The following ZNF827 variants were observed in gnomAD, a reference collection of about 807,000 sequenced individuals.
The protein encoded by ZNF827 is zinc finger protein 827.
In ZNF827, 13 loss-of-function variants were observed where a neutral mutation model predicts 102.4. That is an observed-to-expected ratio of 0.13 (90% CI 0.08 to 0.20). The LOEUF (loss-of-function observed/expected upper bound fraction) is 0.20, where lower values mean the gene tolerates loss of function less well. Among genes scored for constraint, ZNF827 ranks in the 10% least tolerant of loss-of-function variants. The pLI, the probability that ZNF827 is intolerant of heterozygous loss-of-function variation, is 1.00. For synonymous variants in ZNF827, 523 were observed against 536.2 expected (o/e 0.98, Z 0.34); for missense variants, 1,103 against 1,344.4 (o/e 0.82, Z 2.81).
rs1359820023 is a variant in ZNF827 at position 145,757,787 on chromosome 4, T to C, written c.*3829A>G. On this transcript the variant is annotated 3_prime_UTR_variant, in exon 15 of 15. Transcript: ENST00000508784. ...TGCAAAAAGCTTTATACAATACAAA[T>C]TTTCAGTAATGTACACAAACCTTGA... is the stretch of plus-strand genomic sequence containing the variant. The C allele has an allele frequency of 6.6e-6, 1 of 151,142 alleles. No homozygotes were observed. Among genetic ancestry groups the C allele is most frequent in the Non-Finnish European group, 1.5e-5 (1 of 67,818 alleles). 9.4% of individuals were successfully genotyped at this position (151,142 alleles called of 1,614,324 possible).
At chr4:145,928,159 A>G (rs1196887097) in intron 1 of ZNF827, among the ~76,000 whole-genome samples, 2 of 152,178 alleles carry the variant, frequency 1.3e-5, no homozygotes, top group African/African-American at 4.8e-5. Context: ...CAGGCTCACC[A>G]TCTCCTGTCT....
chr4:145,937,521 C>T (rs941140045), intron 1 of ZNF827, among the ~76,000 whole-genome samples: 1 of 147,960 alleles, frequency 6.8e-6, no homozygotes, highest in African/African-American at 2.4e-5. Context: ...TCCCGCACCC[C>T]ACATCCGCCC....
intron 4 of ZNF827, 27 bp from the exon 5 acceptor site, chr4:145,870,505 T>G: frequency 6.2e-7 from 1 of 1,605,032 alleles, no homozygotes; most frequent in Non-Finnish European, 8.5e-7. Flanking sequence ...AGGGATTATA[T>G]ATACATAAAA....
chr4:145,929,580 C>T (rs1753661012), intron 1 of ZNF827, among the ~76,000 whole-genome samples: 1 of 151,866 alleles, frequency 6.6e-6, no homozygotes, highest in Admixed American at 6.6e-5. Context: ...TCAAGCCCTA[C>T]AATAATAGCC....
In ZNF827 at chr4:145,765,045, G is replaced by T. The variant is rs1735075985; in HGVS notation, c.3173C>A (p.Thr1058Asn). 2 of 1,614,082 alleles carry T rather than the reference G, an allele frequency of 1.2e-6. No homozygotes were observed. The highest frequency in any genetic ancestry group is 2.2e-5 in the South Asian group (2 of 91,088). ...ECDVCHKFMKTPEQLLEHKKC... is the reference protein window; with the variant it reads ...ECDVCHKFMKNPEQLLEHKKC... The stretch of plus-strand genomic sequence containing the variant: ...CTTATGCTCCAGCAGCTGTTCGGGG[G>T]TCTTCATGAACTTGTGGCACACATC... The change falls in exon 13 of 15, where the codon ACC becomes AAC. Residue 1058 changes from threonine (T) to asparagine (N), a missense_variant. Thr to Asn is a moderately conservative substitution (Grantham distance 65, BLOSUM62 0). This residue lies in a region of ZNF827 where 242 missense variants were observed against 361.9 expected (regional missense o/e 0.67). Coordinates refer to ENST00000508784, the MANE Select transcript of ZNF827 (RefSeq NM_001306215.2). The surrounding 1 kb of genome is among the most constrained non-coding windows in gnomAD (Gnocchi z 4.7).
rs1020230544 is a variant in ZNF827, at chr4:145,903,279, T to G, written c.44-64A>C. On this transcript the variant is annotated intron_variant, in intron 1 of 14. Coordinates refer to ENST00000508784, the MANE Select transcript of ZNF827 (RefSeq NM_001306215.2). Reference sequence around the variant, plus strand: ...GAACAATAAGTAAGTCTCAAGACATTCAAATGGAGGTGATGACATGCTTTC... The same window carrying G: ...GAACAATAAGTAAGTCTCAAGACATGCAAATGGAGGTGATGACATGCTTTC... The G allele has an allele frequency of 9.2e-6, 14 of 1,521,336 alleles. No homozygotes were observed. In the African/African-American group the frequency reaches 1.7e-4, roughly 18 times the overall value. The allele number at this position is 1,521,336 out of a possible 1,614,324, so 94.2% of individuals were successfully genotyped here.
In ZNF827 at chr4:145,902,289, G is replaced by T. The variant is rs1561059319; in HGVS notation, c.970C>A (p.Pro324Thr). Reference sequence around the variant, plus strand: ...GGAGGTGGCGGAGTGACTTTTTCTGGTTTCTTCTCTGAAGGCGGGGGCGGT... The same window carrying T: ...GGAGGTGGCGGAGTGACTTTTTCTGTTTTCTTCTCTGAAGGCGGGGGCGGT... ...PLPPPPSEKKPEKVTPPPPPP... is the reference protein window; with the variant it reads ...PLPPPPSEKKTEKVTPPPPPP... The change falls in exon 2 of 15, where the codon CCA becomes ACA. Residue 324 changes from proline to threonine, a missense_variant. Physicochemically the swap from Pro to Thr is conservative, Grantham distance 38. Coordinates refer to ENST00000508784, the MANE Select transcript of ZNF827 (RefSeq NM_001306215.2). The surrounding 1 kb of genome is among the most constrained non-coding windows in gnomAD (Gnocchi z 4.3). The T allele has an allele frequency of 6.3e-7, 1 of 1,590,586 alleles. No homozygotes were observed. Among genetic ancestry groups the T allele is most frequent in the Non-Finnish European group, 8.5e-7 (1 of 1,170,462 alleles).
Position 145,935,147 on chromosome 4 carries a change from T to C in ZNF827, c.43+3218A>G, listed in dbSNP as rs576991110. On this transcript the variant is annotated intron_variant, in intron 1 of 14. Transcript: ENST00000508784. ...CTTCTTAAAACCCTGAGATGACTTC[T>C]AGGAGGAATATTTAATCCCCAGACT... is the stretch of plus-strand genomic sequence containing the variant. 4.7e-4 allele frequency among the ~76,000 whole-genome samples: 72 copies of C among 152,330 alleles called. 1 individual carries two copies. Among genetic ancestry groups the C allele is most frequent in the Non-Finnish European group, 6.5e-4 (44 of 68,016 alleles).
chr4:145,843,357 A>C (rs1195270133), intron 7 of ZNF827, among the ~76,000 whole-genome samples: 1 of 152,172 alleles, frequency 6.6e-6, no homozygotes, highest in Admixed American at 6.5e-5. Context: ...CAAAAGATCT[A>C]ATTCGGATTT....
At position 145,761,652 on chromosome 4, in the gene ZNF827, C is replaced by T. The variant is rs1199220793; in HGVS notation, c.*18-54G>A. 1.5e-5 allele frequency: 16 copies of T among 1,092,544 alleles called. No individual in the cohort carries two copies. The highest frequency in any genetic ancestry group is 1.8e-5 in the Non-Finnish European group (15 of 835,784). 67.7% of individuals were successfully genotyped at this position (1,092,544 alleles called of 1,614,324 possible). A position where few individuals can be genotyped will look rare whatever the true frequency, so the allele number is the denominator to read the frequency against. On this transcript the variant is annotated intron_variant, in intron 14 of 14. Transcript: ENST00000508784. This position sits in a 1 kb window ranked among gnomAD's most constrained non-coding sequence, Gnocchi z 6.8. ...TCAGCCGGGAAGGTTCGGAGGCAGC[C>T]GCGCTTCTCGCCGCCTCACCAGCCT... is the stretch of plus-strand genomic sequence containing the variant.
intron 4 of ZNF827, among the ~76,000 whole-genome samples, chr4:145,882,570 T>C (rs889592128): frequency 1.4e-4 from 21 of 152,194 alleles, no homozygotes; most frequent in Admixed American, 3.3e-4. Flanking sequence ...CCACTGACTT[T>C]TAATCCCACT....
intron 5 of ZNF827, among the ~76,000 whole-genome samples, 170 bp from the exon 6 acceptor site, chr4:145,849,731 T>C (rs1418503253): frequency 1.3e-5 from 2 of 152,226 alleles, no homozygotes; most frequent in African/African-American, 4.8e-5. Flanking sequence ...AATCATCTAA[T>C]ACCAGAAAAG....
chr4:145,785,568 A>G (rs1738730444), intron 8 of ZNF827, among the ~76,000 whole-genome samples: 1 of 152,308 alleles, frequency 6.6e-6, no homozygotes, highest in Admixed American at 6.5e-5. Flanking sequence ...GTTGGGCAAC[A>G]GTTTCCACAG....
In ZNF827 at chr4:145,775,840, C is replaced by T; in HGVS notation, c.2642G>A (p.Ser881Asn). ...ATCACTGCCTTCAGAGGTGACGGCG[C>T]TGACAATGTCCTCGGTGTCTGTACT... ...LVSTDTEDIV[S>N]AVTSEGSDGK... The change falls in exon 10 of 15, where the codon AGC becomes AAC. Residue 881 changes from serine to asparagine, a missense_variant. Ser to Asn is a conservative substitution (Grantham distance 46). This residue lies in a region of ZNF827 where 242 missense variants were observed against 361.9 expected (regional missense o/e 0.67). Transcript: ENST00000508784. 1 of 1,614,156 alleles carries T rather than the reference C, an allele frequency of 6.2e-7. No individual in the cohort carries two copies. Among genetic ancestry groups the T allele is most frequent in the Non-Finnish European group, 8.5e-7 (1 of 1,180,028 alleles).
intron 5 of ZNF827, among the ~76,000 whole-genome samples, chr4:145,862,242 T>G (rs1327111862): frequency 3.3e-5 from 5 of 152,186 alleles, no homozygotes; most frequent in Non-Finnish European, 5.9e-5. Flanking sequence ...AGAACCAAGT[T>G]CCAGGGCTGG....
intron 8 of ZNF827, among the ~76,000 whole-genome samples, chr4:145,787,010 TGCTCATGCCAGTCCTAACAGACTTACTAG>T (rs1738956014): frequency 6.6e-6 from 1 of 152,160 alleles, no homozygotes; most frequent in African/African-American, 2.4e-5. Flanking sequence ...CCAGAAGTGT[TGCTCATGCCAGTCCTAACAGACTTACTAG>T]GCTCCCTATG....
At chr4:145,852,375 C>T (rs1270876261) in intron 5 of ZNF827, among the ~76,000 whole-genome samples, 6 of 152,206 alleles carry the variant, frequency 3.9e-5, no homozygotes, top group African/African-American at 9.7e-5. Context: ...GCTTTCTGCT[C>T]TTTCTTATGA....
rs76080278 is a variant in ZNF827, at chr4:145,906,830, T to C, written c.44-3615A>G. ...TCTCAACCATCCATCCCTCTGTTGT[T>C]TGCAGACTCGATCACTGAGATACAC... On this transcript the variant is annotated intron_variant, in intron 1 of 14. Transcript: ENST00000508784. 5.1e-3 allele frequency among the ~76,000 whole-genome samples: 772 copies of C among 152,362 alleles called. 5 individuals are homozygous for C. Among genetic ancestry groups the C allele is most frequent in the African/African-American group, 0.017 (694 of 41,586 alleles).
chr4:145,887,944 G>C (rs1188670938), intron 3 of ZNF827, among the ~76,000 whole-genome samples: 1 of 152,186 alleles, frequency 6.6e-6, no homozygotes, highest in African/African-American at 2.4e-5. Context: ...ACTGACCCAG[G>C]AGAGGAGGGG....
Sources: gnomAD v4.1 joint callset for allele counts (sites outside exome capture counted in the v4.1 genomes callset) on GRCh38, gnomAD v4.1.1 for gene constraint, gnomAD v4.1.1 regional missense constraint, Gnocchi (gnomAD v3.1) non-coding constraint, MANE v1.5 for transcripts, NCBI Gene and HGNC (gene_info 2026-07-23, HGNC 2026-07-21) for gene names.